The following CSMD1 variants were observed in gnomAD, a reference collection of about 807,000 sequenced individuals.
CSMD1 encodes the protein CUB and Sushi multiple domains 1.
In CSMD1, 213 loss-of-function variants were observed where a neutral mutation model predicts 417.5. That is an observed-to-expected ratio of 0.51 (90% CI 0.46 to 0.57). The LOEUF (loss-of-function observed/expected upper bound fraction) is 0.57. Among genes scored for constraint, CSMD1 ranks in the 20% least tolerant of loss-of-function variants. CSMD1 has a pLI of 0.00. For missense variants in CSMD1, 6,923 were observed against 4,529.7 expected (o/e 1.53, Z -15.17); for synonymous variants, 2,862 against 1,736.8 (o/e 1.65, Z -16.11).
At chr8:3,402,681 T>C (rs1202569701) in intron 15 of CSMD1, among the ~76,000 whole-genome samples, 1 of 152,198 alleles carries the variant, frequency 6.6e-6, no homozygotes. Context: ...TTCTCTTTTA[T>C]GTTACCAAAT....
chr8:3,822,948 A>T (rs1165919501), intron 5 of CSMD1, among the ~76,000 whole-genome samples: 3 of 152,212 alleles, frequency 2.0e-5, no homozygotes, highest in African/African-American at 2.4e-5. Context: ...CCCTGGGCTA[A>T]GAAAAGTTGA....
intron 1 of CSMD1, among the ~76,000 whole-genome samples, chr8:4,905,424 T>C (rs1369094847): frequency 6.6e-6 from 1 of 152,092 alleles, no homozygotes; most frequent in African/African-American, 2.4e-5. Flanking sequence ...AAAATACATA[T>C]ACATGTACAC....
chr8:4,212,751 C>CTTTT lies in CSMD1; in HGVS notation c.416-180656_416-180653dup, dbSNP rs5889027. On this transcript the variant is annotated intron_variant, in intron 3 of 69. Coordinates refer to ENST00000635120, the MANE Select transcript of CSMD1 (RefSeq NM_033225.6). ...AAAAGTTTACAACAGCGGCCTTATT[C>CTTTT]TTTTTTTTTTTTTTTTTTTTTTTTT... Among the ~76,000 whole-genome samples, 79 of 99,214 alleles carry CTTTT rather than the reference C, an allele frequency of 8.0e-4. 3 individuals carry two copies. The highest frequency in any genetic ancestry group is 2.9e-3 in the African/African-American group (67 of 23,456). 65.1% of individuals were successfully genotyped at this position (99,214 alleles called of 152,430 possible).
intron 1 of CSMD1, among the ~76,000 whole-genome samples, chr8:4,639,945 G>T (rs1041977245): frequency 6.6e-6 from 1 of 152,050 alleles, no homozygotes; most frequent in African/African-American, 2.4e-5. Context: ...GGTTTTGAAA[G>T]GTTTTTAAAG....
In CSMD1 at chr8:3,636,934, T is replaced by C. The variant is rs548155427; in HGVS notation, c.1010-20137A>G. Among the ~76,000 whole-genome samples, 49 of 152,298 alleles carry C rather than the reference T, an allele frequency of 3.2e-4. No individual in the cohort carries two copies. In the East Asian group the frequency reaches 7.4e-3, roughly 23 times the overall value. The stretch of plus-strand genomic sequence containing the variant: ...TTCTCTGCCCTCATGAATGAATTAG[T>C]ATCATTATTGAGATGATGGATTGCT... On this transcript the variant is annotated intron_variant, in intron 7 of 69. Coordinates refer to ENST00000635120, the MANE Select transcript of CSMD1 (RefSeq NM_033225.6).
intron 3 of CSMD1, among the ~76,000 whole-genome samples, chr8:4,271,844 T>A (rs1804619154): frequency 1.3e-5 from 2 of 152,150 alleles, no homozygotes; most frequent in African/African-American, 2.4e-5. Flanking sequence ...CAGCGCTATT[T>A]GAAAGGCACA....
rs77042726 is a variant in CSMD1 at position 4,944,646 on chromosome 8, G to A, written c.85+49686C>T. 2.0e-5 allele frequency among the ~76,000 whole-genome samples: 3 copies of A among 152,240 alleles called. 1 individual carries two copies. In the East Asian group the frequency reaches 5.8e-4, roughly 29 times the overall value. On this transcript the variant is annotated intron_variant, in intron 1 of 69. Coordinates refer to ENST00000635120, the MANE Select transcript of CSMD1 (RefSeq NM_033225.6). ...GGACTGGCCAACAAGCATATGAAGA[G>A]ATGTTCGATATTATTGATCATTAGA... is the stretch of plus-strand genomic sequence containing the variant.
intron 2 of CSMD1, among the ~76,000 whole-genome samples, chr8:4,582,178 G>A (rs763436473): frequency 1.1e-4 from 17 of 151,950 alleles, no homozygotes; most frequent in Non-Finnish European, 1.8e-4. Flanking sequence ...AAAATTGACA[G>A]ACATGAGGTT....
At chr8:3,412,431 G>A (rs908187354) in intron 12 of CSMD1, among the ~76,000 whole-genome samples, 3 of 152,198 alleles carry the variant, frequency 2.0e-5, no homozygotes, top group East Asian at 1.9e-4. Context: ...ATATAGAAAC[G>A]TTCAGAGGTT....
chr8:3,276,132 A>G (rs569800841), intron 26 of CSMD1, among the ~76,000 whole-genome samples: 2 of 152,030 alleles, frequency 1.3e-5, no homozygotes, highest in Admixed American at 6.6e-5. Flanking sequence ...TCTGTTTGTT[A>G]GTTTTCCTTC....
chr8:4,306,333 C>T (rs1406156016), intron 3 of CSMD1, among the ~76,000 whole-genome samples: 1 of 152,198 alleles, frequency 6.6e-6, no homozygotes, highest in Non-Finnish European at 1.5e-5. Flanking sequence ...CCATCATCAC[C>T]ATTTTTACTC....
chr8:3,542,203 A>G (rs1410105320), intron 10 of CSMD1, among the ~76,000 whole-genome samples: 1 of 152,102 alleles, frequency 6.6e-6, no homozygotes, highest in Non-Finnish European at 1.5e-5. Context: ...CTTAATATTG[A>G]TACTTACCTC....
intron 1 of CSMD1, among the ~76,000 whole-genome samples, chr8:4,822,075 T>A (rs1386303149): frequency 6.6e-6 from 1 of 152,062 alleles, no homozygotes; most frequent in Non-Finnish European, 1.5e-5. Context: ...TCCTTTCTTT[T>A]CGGGTTCAGT....
intron 2 of CSMD1, among the ~76,000 whole-genome samples, chr8:4,592,697 A>C (rs2130736970): frequency 6.6e-6 from 1 of 152,218 alleles, no homozygotes; most frequent in African/African-American, 2.4e-5. Context: ...TCTTTTCCTT[A>C]TTTTTGATGA....
chr8:3,538,280 GCACCTGATATGCTT>G (rs1044965125), intron 10 of CSMD1, among the ~76,000 whole-genome samples: 1 of 151,046 alleles, frequency 6.6e-6, no homozygotes, highest in African/African-American at 2.4e-5. Flanking sequence ...CTTCAGTGGT[GCACCTGATATGCTT>G]CACCTGAGAT....
intron 54 of CSMD1, among the ~76,000 whole-genome samples, chr8:2,990,379 C>T (rs1806271085): frequency 6.6e-6 from 1 of 152,164 alleles, no homozygotes; most frequent in Non-Finnish European, 1.5e-5. Context: ...ATAGCAAAGC[C>T]TCCTGGTGCT....
chr8:3,592,605 C>T (rs867228637), intron 8 of CSMD1, among the ~76,000 whole-genome samples: 1 of 152,034 alleles, frequency 6.6e-6, no homozygotes, highest in Non-Finnish European at 1.5e-5. Context: ...TTAAGAGGAA[C>T]AAAGCTGTGA....
At chr8:4,204,499 A>G (rs561009355) in intron 3 of CSMD1, among the ~76,000 whole-genome samples, 158 of 152,298 alleles carry the variant, frequency 1.0e-3, no homozygotes, top group Non-Finnish European at 1.9e-3. Context: ...AATAAACCAG[A>G]TTCAATTTCC....
intron 7 of CSMD1, among the ~76,000 whole-genome samples, chr8:3,670,896 GAT>G (rs1798982806): frequency 8.7e-6 from 1 of 114,318 alleles, no homozygotes; most frequent in South Asian, 3.0e-4. Flanking sequence ...ATATGTATGT[GAT>G]ATATATGTAT....
Sources: gnomAD v4.1 joint callset for allele counts (sites outside exome capture counted in the v4.1 genomes callset) on GRCh38, gnomAD v4.1.1 for gene constraint, MANE v1.5 for transcripts, NCBI Gene and HGNC (gene_info 2026-07-23, HGNC 2026-07-21) for gene names.